The following TENM3 variants were observed in gnomAD, a reference collection of about 807,000 sequenced individuals.
TENM3 encodes teneurin transmembrane protein 3, also known as teneurin-3.
TENM3 carries 63 observed loss-of-function variants against 255.1 expected under a neutral mutation model. The observed-to-expected ratio is 0.25, with a 90% CI of 0.20 to 0.30. The LOEUF is 0.30. Among genes scored for constraint, TENM3 ranks in the 10% least tolerant of loss-of-function variants. The probability of loss-of-function intolerance (pLI) is 1.00; values close to 1 mark genes in which losing one functional copy is unlikely to be tolerated. For synonymous variants in TENM3, 1,306 were observed against 1,322.3 expected (o/e 0.99, Z 0.27); for missense variants, 2,929 against 3,461.1 (o/e 0.85, Z 3.86).
At chr4:181,546,242 C>T in the TENM3 span, among the ~76,000 whole-genome samples, 1 of 152,168 alleles carries the variant, frequency 6.6e-6, no homozygotes, top group Admixed American at 6.5e-5. Context: ...TTAGCTGTCG[C>T]AGCTTCTTTT....
At chr4:181,645,457 A>G in the TENM3 span, among the ~76,000 whole-genome samples, 12 of 152,332 alleles carry the variant, frequency 7.9e-5, no homozygotes, top group East Asian at 2.3e-3. Flanking sequence ...GGCATTTGCC[A>G]TGGAGGGACA....
intron 12 of TENM3, among the ~76,000 whole-genome samples, chr4:182,712,850 G>A (rs987336920): frequency 6.6e-6 from 1 of 152,184 alleles, no homozygotes. Context: ...TTATTAATAT[G>A]TTTTATACCA....
chr4:181,570,555 A>G, the TENM3 span, among the ~76,000 whole-genome samples: 2 of 150,444 alleles, frequency 1.3e-5, no homozygotes, highest in Non-Finnish European at 3.0e-5. Context: ...GAAAAGAGAG[A>G]GAGAAAAAAA....
the TENM3 span, among the ~76,000 whole-genome samples, chr4:181,551,384 T>G: frequency 3.9e-5 from 6 of 152,190 alleles, no homozygotes; most frequent in African/African-American, 1.4e-4. Flanking sequence ...GACTGGCAAC[T>G]TTGTATGGCA....
At chr4:181,519,605 C>T in the TENM3 span, among the ~76,000 whole-genome samples, 2 of 152,138 alleles carry the variant, frequency 1.3e-5, no homozygotes, top group East Asian at 1.9e-4. Context: ...ATGAACTATT[C>T]GGAGATTGTG....
chr4:182,568,213 C>G (rs1396900153), intron 3 of TENM3, among the ~76,000 whole-genome samples: 1 of 152,176 alleles, frequency 6.6e-6, no homozygotes, highest in Non-Finnish European at 1.5e-5. Context: ...TATCACCTGG[C>G]TTATTACAGC....
the TENM3 span, among the ~76,000 whole-genome samples, chr4:182,089,006 G>C: frequency 1.3e-5 from 2 of 152,114 alleles, no homozygotes. Context: ...TTAATGAATG[G>C]GATTAGCACA....
the TENM3 span, among the ~76,000 whole-genome samples, chr4:181,587,502 C>T: frequency 6.6e-6 from 1 of 152,166 alleles, no homozygotes; most frequent in Non-Finnish European, 1.5e-5. Flanking sequence ...ACCTTAGCGC[C>T]TGATATTTCA....
intron 1 of TENM3, among the ~76,000 whole-genome samples, chr4:182,177,140 C>A (rs943038582): frequency 4.4e-4 from 67 of 152,220 alleles, no homozygotes; most frequent in Non-Finnish European, 4.9e-4. Context: ...GCAGAAGCCG[C>A]TGTGCTCTGG....
the TENM3 span, among the ~76,000 whole-genome samples, chr4:181,658,677 A>T: frequency 1.3e-5 from 2 of 152,222 alleles, no homozygotes; most frequent in South Asian, 4.1e-4. Flanking sequence ...AATGCTTACC[A>T]TGTGCCAGGC....
rs190574687 is a variant in TENM3 at position 182,435,201 on chromosome 4, C to T, written c.511+88272C>T. Among the ~76,000 whole-genome samples, 237 of 152,188 alleles carry T rather than the reference C, an allele frequency of 1.6e-3. 1 individual carries two copies. The highest frequency in any genetic ancestry group is 6.8e-3 in the Middle Eastern group (2 of 294). On this transcript the variant is annotated intron_variant, in intron 3 of 27. Transcript: ENST00000511685. ...CGGTTCCACGGTTTTATGGAAGTTA[C>T]GGTTTTGTTCAGTAGAGTCAATTCT...
chr4:181,657,687 A>G, the TENM3 span, among the ~76,000 whole-genome samples: 1 of 152,240 alleles, frequency 6.6e-6, no homozygotes, highest in Non-Finnish European at 1.5e-5. Context: ...AGACAAGTTC[A>G]TCACAGCTGT....
At chr4:181,839,396 C>CAT in the TENM3 span, among the ~76,000 whole-genome samples, 23 of 85,998 alleles carry the variant, frequency 2.7e-4, 1 homozygote, top group African/African-American at 9.0e-4. Flanking sequence ...CACCTATATA[C>CAT]ATATATATAT....
Position 182,793,998 on chromosome 4 carries a change from A to C in TENM3, c.7213+113A>C, listed in dbSNP as rs1766306707. ...CTTTATACTTTACTCAGGCAAAGGC[A>C]AATGGCTAACCTTTTAAATGTGTTT... is the stretch of plus-strand genomic sequence containing the variant. On this transcript the variant is annotated intron_variant, in intron 26 of 27. Coordinates refer to ENST00000511685, the MANE Select transcript of TENM3 (RefSeq NM_001080477.4). This position sits in a 1 kb window ranked among gnomAD's most constrained non-coding sequence, Gnocchi z 5.7. 1 of 897,068 alleles carries C rather than the reference A, an allele frequency of 1.1e-6. No homozygotes were observed. The highest frequency in any genetic ancestry group is 1.9e-5 in the South Asian group (1 of 53,078). The allele number at this position is 897,068 out of a possible 1,614,324, so 55.6% of individuals were successfully genotyped here.
intron 1 of TENM3, among the ~76,000 whole-genome samples, chr4:182,263,165 G>C (rs1199452094): frequency 6.6e-6 from 1 of 152,078 alleles, no homozygotes; most frequent in Non-Finnish European, 1.5e-5. Context: ...GAGCCGCGGG[G>C]TCAGGGGTTG....
the TENM3 span, among the ~76,000 whole-genome samples, chr4:181,573,912 A>G: frequency 1.3e-5 from 2 of 152,184 alleles, no homozygotes; most frequent in African/African-American, 4.8e-5. Flanking sequence ...GGACAAATTC[A>G]TGGGATTCAG....
intron 1 of TENM3, among the ~76,000 whole-genome samples, chr4:182,280,531 A>G (rs1760314420): frequency 1.3e-5 from 2 of 152,310 alleles, no homozygotes; most frequent in African/African-American, 2.4e-5. Flanking sequence ...ATTTTTATGG[A>G]AAATCTATTC....
intron 3 of TENM3, among the ~76,000 whole-genome samples, chr4:182,389,746 C>T (rs1975808): frequency 0.9 from 132,087 of 146,038 alleles, 61,066 homozygotes; most frequent in Non-Finnish European, 1. Context: ...AGTGCAGTGG[C>T]GCGATCTCGG....
At chr4:181,641,298 T>A in the TENM3 span, among the ~76,000 whole-genome samples, 1 of 151,698 alleles carries the variant, frequency 6.6e-6, no homozygotes, top group Non-Finnish European at 1.5e-5. Context: ...ACCCGTCACC[T>A]ACATTACGTA....
Sources: gnomAD v4.1 joint callset for allele counts (sites outside exome capture counted in the v4.1 genomes callset) on GRCh38, gnomAD v4.1.1 for gene constraint, Gnocchi (gnomAD v3.1) non-coding constraint, MANE v1.5 for transcripts, NCBI Gene and HGNC (gene_info 2026-07-23, HGNC 2026-07-21) for gene names.